The following TMPRSS7 variants were observed in gnomAD, a reference collection of about 807,000 sequenced individuals.
The protein encoded by TMPRSS7 is transmembrane protease serine 7.
A neutral mutation model predicts 95.6 loss-of-function variants in TMPRSS7; 81 were observed. That is an observed-to-expected ratio of 0.85 (90% CI 0.71 to 1.02). The LOEUF (loss-of-function observed/expected upper bound fraction) is 1.02, where lower values mean the gene tolerates loss of function less well. TMPRSS7 is among the 50% of genes least tolerant of loss of function. The pLI is 0.00. For missense variants in TMPRSS7, 945 were observed against 955.2 expected (o/e 0.99, Z 0.14); for synonymous variants, 364 against 337.8 (o/e 1.08, Z -0.85).
At chr3:112,050,205 A>T (rs995030881) in intron 8 of TMPRSS7, among the ~76,000 whole-genome samples, 3 of 152,230 alleles carry the variant, frequency 2.0e-5, no homozygotes, top group African/African-American at 7.2e-5. Context: ...GGCAAAAAGG[A>T]CAAGAAGAGA....
intron 3 of TMPRSS7, among the ~76,000 whole-genome samples, chr3:112,043,601 G>A (rs2073238927): frequency 6.6e-6 from 1 of 152,144 alleles, no homozygotes; most frequent in Non-Finnish European, 1.5e-5. Context: ...GGGCAATTAT[G>A]TAAGTGGTTT....
At chr3:112,042,922 G>T in intron 3 of TMPRSS7, 1 of 428,034 alleles carries the variant, frequency 2.3e-6, no homozygotes. Context: ...GTATTTCCAC[G>T]GTACTGGAGA....
intron 15 of TMPRSS7, among the ~76,000 whole-genome samples, chr3:112,076,138 T>C (rs1033096572): frequency 5.9e-5 from 9 of 152,228 alleles, no homozygotes; most frequent in African/African-American, 1.9e-4. Context: ...TGGGTGTCCA[T>C]TGACACTCAT....
At chr3:112,045,884 G>C in exon 5 of TMPRSS7, 1 of 1,551,846 alleles carries the variant, frequency 6.4e-7, no homozygotes, top group South Asian at 1.2e-5. Context: ...ATCATAAACC[G>C]GACCTCTGTG....
chr3:112,069,702 G>T (rs1196276671), intron 13 of TMPRSS7, among the ~76,000 whole-genome samples: 1 of 152,020 alleles, frequency 6.6e-6, no homozygotes, highest in Non-Finnish European at 1.5e-5. Flanking sequence ...GAGTCTATTT[G>T]ATTCTTCTCT....
intron 4 of TMPRSS7, among the ~76,000 whole-genome samples, chr3:112,045,463 A>G (rs2073266032): frequency 6.6e-6 from 1 of 152,188 alleles, no homozygotes; most frequent in South Asian, 2.1e-4. Context: ...TTTAAATTTT[A>G]ATGGCAGTGA....
intron 3 of TMPRSS7, among the ~76,000 whole-genome samples, chr3:112,042,766 T>C (rs535256662): frequency 5.0e-4 from 76 of 152,368 alleles, no homozygotes; most frequent in South Asian, 1.0e-3. Context: ...ATAGATAATG[T>C]GACAGCAAAA....
Position 112,075,456 on chromosome 3 carries a change from G to A in TMPRSS7, c.1919G>A (p.Trp640Ter), listed in dbSNP as rs369562891. 143 of 1,525,660 alleles carry A rather than the reference G, an allele frequency of 9.4e-5. No individual in the cohort carries two copies. The highest frequency in any genetic ancestry group is 1.2e-4 in the Non-Finnish European group (135 of 1,136,848). The allele number at this position is 1,525,660 out of a possible 1,614,324, so 94.5% of individuals were successfully genotyped here. The change falls in exon 15 of 18, where the codon TGG (tryptophan) becomes TAG (stop). Residue 640 changes from tryptophan (W) to a stop codon, truncating the protein, a stop_gained. Coordinates refer to ENST00000452346, the Ensembl canonical transcript of TMPRSS7. LOFTEE classifies it high-confidence loss of function. ...GGTGCCTCAGTCATCTCCAGGGAGT[G>A]GCTTCTTTCTGCAGCCCACTGTTTT...
rs141888170 is a variant in TMPRSS7, at chr3:112,043,471, G to A, written c.430-784G>A. Among the ~76,000 whole-genome samples, 1,119 of 152,172 alleles carry A rather than the reference G, an allele frequency of 7.4e-3. 16 individuals are homozygous for A. Among genetic ancestry groups the A allele is most frequent in the African/African-American group, 0.026 (1,079 of 41,516 alleles). ...AAAAGAAAAAGAAAAAAAAAATCCT[G>A]CCTAAACAGGTTTAGGCAACATGTT... On this transcript the variant is annotated intron_variant, in intron 3 of 17. Transcript: ENST00000452346.
chr3:112,035,258 T>A (rs1323118010), intron 1 of TMPRSS7, among the ~76,000 whole-genome samples: 2 of 152,198 alleles, frequency 1.3e-5, no homozygotes, highest in Admixed American at 1.3e-4. Flanking sequence ...TTATTTCTTT[T>A]GGGGGAGCAC....
At chr3:112,055,025 C>T (rs2073415205) in intron 9 of TMPRSS7, among the ~76,000 whole-genome samples, 1 of 152,070 alleles carries the variant, frequency 6.6e-6, no homozygotes, top group South Asian at 2.1e-4. Flanking sequence ...CAGGCGTGAG[C>T]CACTGCACCC....
At chr3:112,055,605 TTA>T (rs1189744823) in intron 9 of TMPRSS7, among the ~76,000 whole-genome samples, 2 of 152,132 alleles carry the variant, frequency 1.3e-5, no homozygotes, top group Non-Finnish European at 2.9e-5. Flanking sequence ...AAACTGAACT[TTA>T]TGTTATTTTC....
chr3:112,081,223 G>A, downstream of TMPRSS7: 1 of 608,174 alleles, frequency 1.6e-6, no homozygotes, highest in Non-Finnish European at 2.6e-6. Flanking sequence ...ACGAGGTCAG[G>A]AGGTCAAGAC....
intron 15 of TMPRSS7, 22 bp downstream of exon 15, chr3:112,075,514 T>C (rs1403482027): frequency 4.3e-6 from 6 of 1,410,424 alleles, no homozygotes; most frequent in African/African-American, 1.5e-5. Context: ...CGGTCCTTAC[T>C]TTCAAGTGGC....
chr3:112,066,426 C>G (rs751459349), exon 13 of TMPRSS7: 2 of 1,614,064 alleles, frequency 1.2e-6, no homozygotes, highest in Non-Finnish European at 1.7e-6. Context: ...CCAGCTCCTT[C>G]AGGCAGCATG....
intron 10 of TMPRSS7, among the ~76,000 whole-genome samples, chr3:112,058,085 T>C (rs1406070482): frequency 6.6e-6 from 1 of 152,238 alleles, no homozygotes; most frequent in Non-Finnish European, 1.5e-5. Flanking sequence ...ATCTTCTTAG[T>C]TCACTTTCAG....
chr3:112,042,937 T>C (rs1040038111), intron 3 of TMPRSS7: 7 of 451,570 alleles, frequency 1.6e-5, no homozygotes, highest in Admixed American at 7.1e-5. Flanking sequence ...TGGAGAGGGT[T>C]GTCATAGTGA....
Position 112,080,875 on chromosome 3 carries a change from G to A in TMPRSS7, c.2362-39G>A. On this transcript the variant is annotated intron_variant, in intron 17 of 17. Coordinates refer to ENST00000452346, the Ensembl canonical transcript of TMPRSS7. ...ATAAAGATGAAACTGATGATCATGG[G>A]ACCAATTTACTTTATACTTACATTT... 2.5e-6 allele frequency: 4 copies of A among 1,574,040 alleles called. No individual in the cohort carries two copies. The South Asian group carries it at 4.8e-5, about 19-fold the overall frequency.
intron 9 of TMPRSS7, 77 bp downstream of exon 9, chr3:112,050,860 AT>A: frequency 1.4e-6 from 1 of 713,536 alleles, no homozygotes; most frequent in Non-Finnish European, 2.3e-6. Flanking sequence ...TCATTTTTTA[AT>A]TACAAAAGAA....
Sources: gnomAD v4.1 joint callset for allele counts (sites outside exome capture counted in the v4.1 genomes callset) on GRCh38, gnomAD v4.1.1 for gene constraint, MANE v1.5 for transcripts, NCBI Gene and HGNC (gene_info 2026-07-23, HGNC 2026-07-21) for gene names.